The following TTC28 variants were observed in gnomAD, a reference collection of about 807,000 sequenced individuals.
The protein encoded by TTC28 is tetratricopeptide repeat domain 28.
TTC28 carries 61 observed loss-of-function variants against 198.0 expected under a neutral mutation model. The ratio of observed to expected loss-of-function variants is 0.31; its 90% confidence interval spans 0.25 to 0.38. The LOEUF (loss-of-function observed/expected upper bound fraction) is 0.38, where lower values mean the gene tolerates loss of function less well. Among genes scored for constraint, TTC28 ranks in the 10% least tolerant of loss-of-function variants. The pLI is 1.00. For synonymous variants in TTC28, 1,171 were observed against 1,297.8 expected (o/e 0.90, Z 2.10); for missense variants, 2,678 against 3,164.0 (o/e 0.85, Z 3.69).
chr22:28,383,654 T>A (rs1299849213), intron 2 of TTC28, among the ~76,000 whole-genome samples: 3 of 152,222 alleles, frequency 2.0e-5, no homozygotes. Context: ...TTCAATACTT[T>A]AGAAAATTCA....
At chr22:28,059,226 A>G (rs75173276) in intron 12 of TTC28, among the ~76,000 whole-genome samples, 1 of 151,836 alleles carries the variant, frequency 6.6e-6, no homozygotes, top group South Asian at 2.1e-4. Flanking sequence ...TTTTTCTACT[A>G]TGAACATTTA....
At chr22:28,197,705 G>T (rs140920332) in intron 5 of TTC28, among the ~76,000 whole-genome samples, 3 of 152,076 alleles carry the variant, frequency 2.0e-5, no homozygotes, top group Non-Finnish European at 4.4e-5. Context: ...AATAAGGACT[G>T]GGAGCAAGAA....
intron 5 of TTC28, among the ~76,000 whole-genome samples, chr22:28,225,366 GAAAA>G (rs796086622): frequency 0.055 from 4,538 of 82,980 alleles, 231 homozygotes; most frequent in African/African-American, 0.18. Flanking sequence ...AAAAAAAAAA[GAAAA>G]GAAGAAGAAG....
chr22:28,396,021 CTT>C (rs573259857), intron 2 of TTC28, among the ~76,000 whole-genome samples: 39 of 152,278 alleles, frequency 2.6e-4, no homozygotes, highest in African/African-American at 8.7e-4. Context: ...GGTAGCAAAA[CTT>C]ATTTATCATT....
intron 2 of TTC28, among the ~76,000 whole-genome samples, chr22:28,462,350 T>G (rs2047961954): frequency 6.6e-6 from 1 of 152,200 alleles, no homozygotes; most frequent in South Asian, 2.1e-4. Flanking sequence ...CTCTCTGTCA[T>G]GAGGCTGGGA....
At chr22:28,188,010 A>AT (rs1924368145) in intron 5 of TTC28, among the ~76,000 whole-genome samples, 1 of 152,188 alleles carries the variant, frequency 6.6e-6, no homozygotes, top group Non-Finnish European at 1.5e-5. Context: ...ACTCAACAAC[A>AT]TTGAGTGCCT....
At chr22:28,512,979 A>ATT (rs695729) in intron 2 of TTC28, among the ~76,000 whole-genome samples, 4,247 of 125,838 alleles carry the variant, frequency 0.034, 153 homozygotes, top group South Asian at 0.068. Context: ...TTTAACCTGG[A>ATT]TTTTTTTTTT....
At chr22:28,298,710 C>T (rs1200870688) in intron 3 of TTC28, among the ~76,000 whole-genome samples, 1 of 152,126 alleles carries the variant, frequency 6.6e-6, no homozygotes, top group African/African-American at 2.4e-5. Context: ...CTCGACCTCC[C>T]AAAGTGCTGA....
At chr22:28,001,288 G>A (rs978504686) in intron 15 of TTC28, 86 bp downstream of exon 15, 50 of 1,452,624 alleles carry the variant, frequency 3.4e-5, no homozygotes, top group Admixed American at 1.3e-4. Flanking sequence ...CTATGCCTTC[G>A]TAACACAGCC....
chr22:28,596,659 AT>A (rs1416693542), intron 2 of TTC28, among the ~76,000 whole-genome samples: 2 of 152,180 alleles, frequency 1.3e-5, no homozygotes, highest in Non-Finnish European at 2.9e-5. Flanking sequence ...GAATAATGAG[AT>A]TTTGACAGTC....
At chr22:28,236,481 T>A (rs1378235226) in intron 5 of TTC28, among the ~76,000 whole-genome samples, 1 of 152,068 alleles carries the variant, frequency 6.6e-6, no homozygotes, top group South Asian at 2.1e-4. Flanking sequence ...AAGGCATTCA[T>A]GACCCTATTG....
rs138666393 is a variant in TTC28 at position 28,163,028 on chromosome 22, T to C, written c.1441+64A>G. 7,772 of 1,457,720 alleles carry C rather than the reference T, an allele frequency of 5.3e-3. 34 individuals carry two copies. Among genetic ancestry groups the C allele is most frequent in the Middle Eastern group, 0.014 (61 of 4,276 alleles). The allele number at this position is 1,457,720 out of a possible 1,614,324, so 90.3% of individuals were successfully genotyped here. A position where few individuals can be genotyped will look rare whatever the true frequency, so the allele number is the denominator to read the frequency against. ...CACAGATTCCTATAAAAGATAGTGA[T>C]CTACTCCAGCTATTTCCAGCTCATG... On this transcript the variant is annotated intron_variant, in intron 6 of 22. Transcript: ENST00000397906.
intron 2 of TTC28, among the ~76,000 whole-genome samples, chr22:28,462,321 G>A (rs1018582996): frequency 6.6e-6 from 1 of 152,076 alleles, no homozygotes; most frequent in African/African-American, 2.4e-5. Context: ...CCATAATGTG[G>A]TTCCATCATG....
At chr22:28,168,360 C>G (rs1221479576) in intron 5 of TTC28, among the ~76,000 whole-genome samples, 1 of 152,180 alleles carries the variant, frequency 6.6e-6, no homozygotes, top group African/African-American at 2.4e-5. Flanking sequence ...GCCCGCATTG[C>G]CAAGTCAATC....
chr22:28,102,271 G>A (rs951761125), intron 8 of TTC28, among the ~76,000 whole-genome samples: 2 of 152,214 alleles, frequency 1.3e-5, no homozygotes, highest in Non-Finnish European at 2.9e-5. Context: ...CACATTTCAT[G>A]TCTAATCTAT....
intron 5 of TTC28, among the ~76,000 whole-genome samples, chr22:28,227,222 C>T (rs1382572017): frequency 6.6e-6 from 1 of 152,068 alleles, no homozygotes; most frequent in African/African-American, 2.4e-5. Context: ...TACCTTACAC[C>T]ATACATAAAA....
chr22:28,203,118 C>T (rs1926112952), intron 5 of TTC28, among the ~76,000 whole-genome samples: 1 of 151,992 alleles, frequency 6.6e-6, no homozygotes, highest in Admixed American at 6.5e-5. Context: ...CTTATTTGCG[C>T]ATATTAAATT....
chr22:28,122,801 T>C (rs1942820789), intron 6 of TTC28, among the ~76,000 whole-genome samples: 1 of 152,202 alleles, frequency 6.6e-6, no homozygotes. Flanking sequence ...GTAATAAAAA[T>C]GATCACTATA....
rs1937915221 is a variant in TTC28, at chr22:28,005,973, C to T, written c.4219-4420G>A. On this transcript the variant is annotated intron_variant, in intron 14 of 22. Transcript: ENST00000397906. The surrounding 1 kb of genome is among the most constrained non-coding windows in gnomAD (Gnocchi z 4.9). Reference sequence around the variant, plus strand: ...CTATCATGGGTAATAGTTCTCAATACTAAACATCCGTGGTTAGTCTACGGT... The same window carrying T: ...CTATCATGGGTAATAGTTCTCAATATTAAACATCCGTGGTTAGTCTACGGT... Among the ~76,000 whole-genome samples the T allele has an allele frequency of 6.6e-6, 1 of 152,200 alleles. No individual in the cohort carries two copies. Among genetic ancestry groups the T allele is most frequent in the Admixed American group, 6.5e-5 (1 of 15,284 alleles).
Sources: gnomAD v4.1 joint callset for allele counts (sites outside exome capture counted in the v4.1 genomes callset) on GRCh38, gnomAD v4.1.1 for gene constraint, Gnocchi (gnomAD v3.1) non-coding constraint, MANE v1.5 for transcripts, NCBI Gene and HGNC (gene_info 2026-07-23, HGNC 2026-07-21) for gene names.